Variants in LRP2 observed in about 807,000 individuals in gnomAD.
LRP2 encodes the protein low-density lipoprotein receptor-related protein 2.
A neutral mutation model predicts 531.0 loss-of-function variants in LRP2; 172 were observed. The ratio of observed to expected loss-of-function variants is 0.32; its 90% CI spans 0.29 to 0.37. LRP2 has a LOEUF of 0.37. Among genes scored for constraint, LRP2 ranks in the 10% least tolerant of loss-of-function variants. The pLI is 1.00. For missense variants in LRP2, 5,167 were observed against 5,868.3 expected (o/e 0.88, Z 3.90); for synonymous variants, 1,992 against 2,027.6 (o/e 0.98, Z 0.47).
rs773487420 is a variant in LRP2 at position 169,318,853 on chromosome 2, C to G, written c.219G>C (p.Lys73Asn). 10 of 1,614,030 alleles carry G rather than the reference C, an allele frequency of 6.2e-6. No individual in the cohort carries two copies. Among genetic ancestry groups the G allele is most frequent in the Non-Finnish European group, 6.8e-6 (8 of 1,180,008 alleles). Residue 73 changes from lysine to asparagine, a missense_variant, in exon 3 of 79, where the codon AAG (lysine) becomes AAC (asparagine). Transcript: ENST00000649046. ...AVVTCQQGYF[K>N]CQSEGQCIPN... ...GGATGCATTGTCCCTCACTCTGGCA[C>G]TTGAAATAGCCCTGCTGGCAGGTCA...
In LRP2 at chr2:169,241,341, T is replaced by A; in HGVS notation, c.3692A>T (p.His1231Leu). The change falls in exon 25 of 79, where the codon CAC (histidine) becomes CTC (leucine). Residue 1231 changes from histidine (H) to leucine (L), a missense_variant. His to Leu is a moderately conservative substitution (Grantham distance 99). Around this residue, in one of 6 missense-constraint regions of LRP2, gnomAD observed 2,811 missense variants for 3,058.0 expected, o/e 0.92. Coordinates refer to ENST00000649046, the MANE Select transcript of LRP2 (RefSeq NM_004525.3). ...GCPTRPPGMC[H>L]SDEFQCQEDG... ...TTCTTGGCACTGAAATTCATCTGAG[T>A]GGCACATACCAGGAGGCCTGGTTGC... 6.2e-6 allele frequency: 10 copies of A among 1,614,118 alleles called. No individual in the cohort carries two copies. The highest frequency in any genetic ancestry group is 7.6e-6 in the Non-Finnish European group (9 of 1,180,020).
At chr2:169,265,315 G>A (rs1690755560) in intron 16 of LRP2, among the ~76,000 whole-genome samples, 1 of 152,000 alleles carries the variant, frequency 6.6e-6, no homozygotes, top group East Asian at 1.9e-4. Flanking sequence ...TGGCAACCAA[G>A]CCACCTTCCT....
At chr2:169,174,196 G>A in intron 55 of LRP2, 32 bp from the exon 56 acceptor site, 1 of 1,613,964 alleles carries the variant, frequency 6.2e-7, no homozygotes. Flanking sequence ...TATCAGCTTG[G>A]AAGGCATCAA....
chr2:169,239,655 T>C lies in LRP2; in HGVS notation c.4166A>G (p.Glu1389Gly). ...FLLANDSKTC[E>G]DIDECDILGS... ...TAGAATATCACATTCATCTATGTCT[T>C]CACAGGTCTTAGAATCATTGGCAAG... The change falls in exon 26 of 79, where the codon GAA (glutamate) becomes GGA (glycine). Residue 1389 changes from glutamate to glycine, a missense_variant. This residue lies in a region of LRP2 where 2,811 missense variants were observed against 3,058.0 expected (regional missense o/e 0.92). Coordinates refer to ENST00000649046, the MANE Select transcript of LRP2 (RefSeq NM_004525.3). The C allele has an allele frequency of 1.2e-6, 2 of 1,614,100 alleles. No homozygotes were observed. Among genetic ancestry groups the C allele is most frequent in the Admixed American group, 3.3e-5 (2 of 60,032 alleles).
intron 77 of LRP2, among the ~76,000 whole-genome samples, chr2:169,132,137 A>T (rs981673117): frequency 2.6e-5 from 4 of 152,340 alleles, no homozygotes; most frequent in South Asian, 4.1e-4. Context: ...AGTGGTAAAG[A>T]TCTGTAATAG....
intron 1 of LRP2, among the ~76,000 whole-genome samples, chr2:169,353,554 C>T (rs13017888): frequency 0.24 from 36,316 of 152,104 alleles, 4,907 homozygotes; most frequent in Non-Finnish European, 0.3. Flanking sequence ...ACACCCTTCC[C>T]CACATCAAAA....
intron 7 of LRP2, among the ~76,000 whole-genome samples, chr2:169,291,600 A>C (rs1052910736): frequency 2.0e-5 from 3 of 152,200 alleles, no homozygotes; most frequent in African/African-American, 7.2e-5. Flanking sequence ...GATATCAGCA[A>C]CATAAAAGGG....
At chr2:169,351,089 T>A (rs1159980183) in intron 1 of LRP2, among the ~76,000 whole-genome samples, 1 of 152,156 alleles carries the variant, frequency 6.6e-6, no homozygotes, top group Non-Finnish European at 1.5e-5. Context: ...GAGAAGGCAG[T>A]TTCTTGAAAA....
At chr2:169,306,489 A>G (rs1449771209) in intron 4 of LRP2, among the ~76,000 whole-genome samples, 1 of 152,180 alleles carries the variant, frequency 6.6e-6, no homozygotes, top group Non-Finnish European at 1.5e-5. Context: ...AGCCGAGAGC[A>G]TGCCATCACA....
chr2:169,362,262 C>G, intron 1 of LRP2, 59 bp downstream of exon 1: 2 of 1,453,954 alleles, frequency 1.4e-6, no homozygotes, highest in African/African-American at 1.4e-5. Context: ...CCCGCGGACC[C>G]GACCCTGCCA....
intron 28 of LRP2, 93 bp downstream of exon 28, chr2:169,237,010 T>C (rs1559033289): frequency 9.2e-7 from 1 of 1,088,088 alleles, no homozygotes. Context: ...ATTTTGCATA[T>C]CAGCAACATG....
At chr2:169,192,895 G>T (rs904491507) in intron 47 of LRP2, among the ~76,000 whole-genome samples, 3 of 152,124 alleles carry the variant, frequency 2.0e-5, no homozygotes, top group African/African-American at 7.2e-5. Flanking sequence ...ACACAGGAGG[G>T]TGCCATCAGA....
At position 169,206,852 on chromosome 2, in the gene LRP2, T is replaced by C. The variant is rs1171294283; in HGVS notation, c.6868A>G (p.Ile2290Val). 1.9e-6 allele frequency: 3 copies of C among 1,614,076 alleles called. No homozygotes were observed. The highest frequency in any genetic ancestry group is 1.7e-6 in the Non-Finnish European group (2 of 1,180,038). The change falls in exon 39 of 79, where the codon ATC (isoleucine) becomes GTC (valine). Residue 2290 changes from isoleucine to valine, a missense_variant. By Grantham distance (29) the Ile-to-Val change is conservative. Around this residue, in one of 6 missense-constraint regions of LRP2, gnomAD observed 2,811 missense variants for 3,058.0 expected, o/e 0.92. Coordinates refer to ENST00000649046, the MANE Select transcript of LRP2 (RefSeq NM_004525.3). ...TTCAAATTCCTATCTACCCATATGA[T>C]AGAATTTTCAAAAACAGTGATGCCA... ...PYGITVFENSIIWVDRNLKKI... is the reference protein window; with the variant it reads ...PYGITVFENSVIWVDRNLKKI...
chr2:169,258,749 T>C (rs997171142), intron 17 of LRP2, among the ~76,000 whole-genome samples: 2 of 152,112 alleles, frequency 1.3e-5, no homozygotes, highest in Non-Finnish European at 2.9e-5. Context: ...CTATATCACA[T>C]TGTTTGGTCC....
At chr2:169,242,035 T>A (rs1689825707) in intron 24 of LRP2, among the ~76,000 whole-genome samples, 2 of 152,256 alleles carry the variant, frequency 1.3e-5, no homozygotes, top group Admixed American at 1.3e-4. Flanking sequence ...CAGAATTTTA[T>A]GTTTTTAATG....
intron 3 of LRP2, among the ~76,000 whole-genome samples, chr2:169,316,506 A>G (rs1329296701): frequency 1.3e-5 from 2 of 152,144 alleles, no homozygotes; most frequent in Non-Finnish European, 2.9e-5. Flanking sequence ...AGTGCCTCAT[A>G]GTGGGTTAAA....
At chr2:169,171,654 T>A (rs963588542) in intron 58 of LRP2, among the ~76,000 whole-genome samples, 1 of 152,230 alleles carries the variant, frequency 6.6e-6, no homozygotes, top group African/African-American at 2.4e-5. Context: ...CTCCCTCTAC[T>A]TCTCTGGTCC....
intron 44 of LRP2, among the ~76,000 whole-genome samples, chr2:169,201,368 G>A (rs1281877847): frequency 6.6e-6 from 1 of 152,150 alleles, no homozygotes; most frequent in Admixed American, 6.5e-5. Context: ...CATTATAATG[G>A]CATGGTAGTT....
At chr2:169,236,975 A>G in intron 28 of LRP2, 128 bp downstream of exon 28, 1 of 759,696 alleles carries the variant, frequency 1.3e-6, no homozygotes, top group Non-Finnish European at 2.3e-6. Context: ...GACACCTACC[A>G]TGTTTAAACA....
Sources: gnomAD v4.1 joint callset for allele counts (sites outside exome capture counted in the v4.1 genomes callset) on GRCh38, gnomAD v4.1.1 for gene constraint, gnomAD v4.1.1 regional missense constraint, MANE v1.5 for transcripts, NCBI Gene and HGNC (gene_info 2026-07-23, HGNC 2026-07-21) for gene names.